CDON: variants seen among roughly 807,000 people sequenced by gnomAD.
The protein encoded by CDON is cell adhesion molecule-related/down-regulated by oncogenes.
A neutral mutation model predicts 120.9 loss-of-function variants in CDON; 73 were observed. That is an observed-to-expected ratio of 0.60 (90% CI 0.50 to 0.73). The LOEUF is 0.73. Ranked by LOEUF, CDON falls within the 30% of genes least tolerant of loss-of-function variation. CDON has a pLI of 0.00. For missense variants in CDON, 1,470 were observed against 1,587.3 expected (o/e 0.93, Z 1.26); for synonymous variants, 566 against 573.5 (o/e 0.99, Z 0.19).
intron 18 of CDON, among the ~76,000 whole-genome samples, chr11:125,976,925 G>A (rs997310494): frequency 6.6e-6 from 1 of 152,174 alleles, no homozygotes; most frequent in Non-Finnish European, 1.5e-5. Flanking sequence ...CTTATTCTTA[G>A]ACCAGAGATC....
rs1555142665 is a variant in CDON at position 126,062,758 on chromosome 11, G to GGCGGGGGC, written c.-242_-241insGCCCCCGC. 3.3e-5 allele frequency: 5 copies of GGCGGGGGC among 152,054 alleles called. No individual in the cohort carries two copies. Among genetic ancestry groups the GGCGGGGGC allele is most frequent in the African/African-American group, 1.2e-4 (5 of 41,348 alleles). The allele number at this position is 152,054 out of a possible 1,614,324, so 9.4% of individuals were successfully genotyped here. On this transcript the variant is annotated 5_prime_UTR_variant, in exon 1 of 20. Coordinates refer to ENST00000531738, the MANE Select transcript of CDON (RefSeq NM_001378964.1). The stretch of plus-strand genomic sequence containing the variant: ...GAGGGAGCGGCGCCTCGCACGCCGG[G>GGCGGGGGC]GCTGGGGCGCTGGGCAGGGCGGGCG...
intron 1 of CDON, among the ~76,000 whole-genome samples, chr11:126,036,368 G>A (rs781146589): frequency 3.9e-5 from 6 of 152,040 alleles, no homozygotes; most frequent in Non-Finnish European, 8.8e-5. Context: ...AAGCAATAAA[G>A]GTAATTTTAA....
Position 126,021,313 on chromosome 11 carries a change from T to A in CDON, c.284A>T (p.Tyr95Phe), listed in dbSNP as rs139453844. Residue 95 changes from tyrosine (Y) to phenylalanine (F), a missense_variant, in exon 3 of 20, where the codon TAC (tyrosine) becomes TTC (phenylalanine). Tyr to Phe is a conservative substitution (Grantham distance 22). Coordinates refer to ENST00000531738, the MANE Select transcript of CDON (RefSeq NM_001378964.1). ...GATGCTATTGTTGGCAAGGCACTGGTAGTAACCCAAAAGAGAGGAGTTGAG... is the reference window on the plus strand; with the variant it reads ...GATGCTATTGTTGGCAAGGCACTGGAAGTAACCCAAAAGAGAGGAGTTGAG... ...LSLNSSLLGY[Y>F]QCLANNSIGA... 2 of 1,614,102 alleles carry A rather than the reference T, an allele frequency of 1.2e-6. No homozygotes were observed. Among genetic ancestry groups the A allele is most frequent in the Non-Finnish European group, 1.7e-6 (2 of 1,179,990 alleles).
At chr11:126,027,427 G>T (rs1032619677) in intron 1 of CDON, among the ~76,000 whole-genome samples, 1 of 152,078 alleles carries the variant, frequency 6.6e-6, no homozygotes, top group Admixed American at 6.6e-5. Flanking sequence ...TATCAAAAAA[G>T]AAACCCTTAA....
At chr11:126,053,838 AAACCAC>A (rs1216855739) in intron 1 of CDON, among the ~76,000 whole-genome samples, 1 of 151,976 alleles carries the variant, frequency 6.6e-6, no homozygotes, top group Non-Finnish European at 1.5e-5. Context: ...ATTCCAGCTG[AAACCAC>A]GCTCACTCCC....
intron 1 of CDON, among the ~76,000 whole-genome samples, chr11:126,023,972 C>T (rs1199239735): frequency 6.6e-6 from 1 of 152,182 alleles, no homozygotes; most frequent in Non-Finnish European, 1.5e-5. Flanking sequence ...CTTTAATACA[C>T]GAATTTAATC....
chr11:126,021,900 C>G (rs536456380), intron 2 of CDON, among the ~76,000 whole-genome samples: 1 of 152,044 alleles, frequency 6.6e-6, no homozygotes, highest in East Asian at 1.9e-4. Flanking sequence ...CTCAGGAGAT[C>G]AAGACCAACC....
At chr11:126,023,023 C>T (rs116830899) in intron 2 of CDON, among the ~76,000 whole-genome samples, 3,616 of 152,298 alleles carry the variant, frequency 0.024, 146 homozygotes, top group African/African-American at 0.082. Flanking sequence ...CAGTTGAACA[C>T]AGTATCATGC....
At chr11:126,050,358 G>A (rs556151375) in intron 1 of CDON, among the ~76,000 whole-genome samples, 4 of 151,938 alleles carry the variant, frequency 2.6e-5, no homozygotes, top group Non-Finnish European at 4.4e-5. Flanking sequence ...TCCAACATGC[G>A]AAAGAGGTAT....
At position 125,989,675 on chromosome 11, in the gene CDON, T is replaced by C; in HGVS notation, c.2735A>G (p.Glu912Gly). 1 of 1,613,598 alleles carries C rather than the reference T, an allele frequency of 6.2e-7. No homozygotes were observed. The change falls in exon 15 of 20, where the codon GAA becomes GGA. Residue 912 changes from glutamate to glycine, a missense_variant. Physicochemically the swap from Glu to Gly is moderately conservative, Grantham distance 98. Coordinates refer to ENST00000531738, the MANE Select transcript of CDON (RefSeq NM_001378964.1). The part of the protein sequence containing the change: ...IKMQCFNEGG[E>G]SEFSNVMICE... ...GATCATCACATTGCTAAATTCACTT[T>C]CTCCTCCTTCATTGAAGCATTGCAT...
chr11:125,992,966 C>T (rs1296220463), intron 14 of CDON, among the ~76,000 whole-genome samples: 3 of 152,164 alleles, frequency 2.0e-5, no homozygotes, highest in Admixed American at 6.5e-5. Context: ...CACTGAGAAG[C>T]GGGCATTCAG....
At chr11:126,020,096 A>C (rs868149194) in intron 3 of CDON, among the ~76,000 whole-genome samples, 4 of 152,160 alleles carry the variant, frequency 2.6e-5, no homozygotes, top group Non-Finnish European at 4.4e-5. Flanking sequence ...GCTGGGGCAC[A>C]TGTGCATGGT....
At chr11:126,018,499 G>A in intron 4 of CDON, 26 bp from the exon 5 acceptor site, 1 of 1,606,110 alleles carries the variant, frequency 6.2e-7, no homozygotes, top group Non-Finnish European at 8.5e-7. Flanking sequence ...AGTGCAGTTA[G>A]GCCTCTCCCT....
intron 17 of CDON, among the ~76,000 whole-genome samples, chr11:125,980,305 T>G (rs1946261039): frequency 6.6e-6 from 1 of 152,188 alleles, no homozygotes; most frequent in Non-Finnish European, 1.5e-5. Context: ...TCTTAAGGGT[T>G]TATCACTCTT....
At chr11:125,974,854 G>T (rs1232754995) in intron 18 of CDON, among the ~76,000 whole-genome samples, 1 of 151,744 alleles carries the variant, frequency 6.6e-6, no homozygotes, top group African/African-American at 2.4e-5. Flanking sequence ...TTATTACTAT[G>T]ACTACCACCC....
chr11:125,995,519 C>T (rs60209504), intron 12 of CDON, among the ~76,000 whole-genome samples: 2,537 of 152,226 alleles, frequency 0.017, 82 homozygotes, highest in African/African-American at 0.058. Context: ...ACTGTGTGGG[C>T]GGCCGCAGAT....
chr11:125,996,461 G>A (rs553444902), intron 12 of CDON, among the ~76,000 whole-genome samples: 2 of 152,116 alleles, frequency 1.3e-5, no homozygotes, highest in Non-Finnish European at 2.9e-5. Context: ...CACTTTGGGA[G>A]GCTGAGGCAG....
chr11:126,021,595 A>G, intron 2 of CDON, 75 bp from the exon 3 acceptor site: 1 of 1,251,438 alleles, frequency 8.0e-7, no homozygotes, highest in Non-Finnish European at 1.2e-6. Flanking sequence ...TACATTAAAC[A>G]CATTTCATCT....
intron 6 of CDON, among the ~76,000 whole-genome samples, chr11:126,016,400 AAAATT>A (rs1460215146): frequency 6.6e-6 from 1 of 152,158 alleles, no homozygotes; most frequent in African/African-American, 2.4e-5. Context: ...CCAAAAAAAG[AAAATT>A]AAATTAAATA....
Sources: allele counts gnomAD v4.1 joint callset (sites outside exome capture counted in the v4.1 genomes callset), GRCh38; gene constraint gnomAD v4.1.1; transcripts MANE v1.5; gene names NCBI Gene and HGNC (gene_info 2026-07-23, HGNC 2026-07-21).